The following ZFP90 variants were observed in gnomAD, a reference collection of about 807,000 sequenced individuals.
The protein encoded by ZFP90 is ZFP90 zinc finger protein, also known as zinc finger protein 90 homolog.
In ZFP90, 38 loss-of-function variants were observed where a neutral mutation model predicts 60.8. The observed-to-expected ratio is 0.62, with a 90% CI of 0.48 to 0.82. The LOEUF (loss-of-function observed/expected upper bound fraction) is 0.82, where lower values mean the gene tolerates loss of function less well. ZFP90 is among the 40% of genes least tolerant of loss of function. ZFP90 has a pLI of 0.00. For synonymous variants in ZFP90, 287 were observed against 264.8 expected, an observed-to-expected ratio of 1.08 and a Z score of -0.82; for missense variants, 711 against 759.1, an observed-to-expected ratio of 0.94 and a Z score of 0.74.
At chr16:68,542,145 T>C (rs2091061343) in intron 2 of ZFP90, among the ~76,000 whole-genome samples, 1 of 152,120 alleles carries the variant, frequency 6.6e-6, no homozygotes, top group Non-Finnish European at 1.5e-5. Context: ...GTAAAGTTAA[T>C]TTAGTGGGAG....
Position 68,563,802 on chromosome 16 carries a change from C to G in ZFP90, c.1015C>G (p.Arg339Gly). The change falls in exon 5 of 5, where the codon CGA (arginine) becomes GGA (glycine). Residue 339 changes from arginine (R) to glycine (G), a missense_variant. Physicochemically the swap from Arg to Gly is moderately radical, Grantham distance 125 (BLOSUM62 -2). Coordinates refer to ENST00000563169, the MANE Select transcript of ZFP90 (RefSeq NM_001305203.2). ...AATTCACACTGGAGAGAAACCCTATCGATGTAATCTATGTGGGAGGTCCTT... is the reference window on the plus strand; with the variant it reads ...AATTCACACTGGAGAGAAACCCTATGGATGTAATCTATGTGGGAGGTCCTT... Reference protein sequence around the residue: ...QRIHTGEKPYRCNLCGRSFRH... With the variant: ...QRIHTGEKPYGCNLCGRSFRH... The G allele has an allele frequency of 6.2e-7, 1 of 1,613,796 alleles. No homozygotes were observed. The highest frequency in any genetic ancestry group is 8.5e-7 in the Non-Finnish European group (1 of 1,179,900).
downstream of ZFP90, chr16:68,567,236 T>G (rs1005146693): frequency 8.4e-5 from 72 of 852,784 alleles, no homozygotes; most frequent in Non-Finnish European, 9.7e-5. Flanking sequence ...GCCAGGTGAG[T>G]TAATAGCTAC....
intron 2 of ZFP90, among the ~76,000 whole-genome samples, chr16:68,573,248 G>C (rs375701443): frequency 6.6e-6 from 1 of 152,230 alleles, no homozygotes; most frequent in African/African-American, 2.4e-5. Context: ...CAAGGATTGC[G>C]TGAGGCCCAA....
At chr16:68,552,732 C>G (rs1455899969) in intron 2 of ZFP90, among the ~76,000 whole-genome samples, 1 of 152,056 alleles carries the variant, frequency 6.6e-6, no homozygotes, top group Non-Finnish European at 1.5e-5. Flanking sequence ...ACTGAGGAAT[C>G]TAAGTTTTAA....
At chr16:68,568,462 T>G (rs1484773621), downstream of ZFP90, among the ~76,000 whole-genome samples, 1 of 152,212 alleles carries the variant, frequency 6.6e-6, no homozygotes, top group African/African-American at 2.4e-5. Flanking sequence ...TAACTTGGTA[T>G]AATTATTTTG....
At position 68,564,126 on chromosome 16, in the gene ZFP90, G is replaced by A. The variant is rs773502605; in HGVS notation, c.1339G>A (p.Val447Met). The change falls in exon 5 of 5, where the codon GTG becomes ATG. Residue 447 changes from valine to methionine, a missense_variant. By Grantham distance (21) the Val-to-Met change is conservative (BLOSUM62 1). Transcript: ENST00000563169. ...LTQDESTLTE[V>M]KSYHCNDCGE... Reference sequence around the variant, plus strand: ...TCAAGATGAAAGCACTCTTACCGAAGTGAAATCCTACCATTGTAATGACTG... The same window carrying A: ...TCAAGATGAAAGCACTCTTACCGAAATGAAATCCTACCATTGTAATGACTG... 2.9e-5 allele frequency: 47 copies of A among 1,614,146 alleles called. No individual in the cohort carries two copies. The East Asian group carries it at 9.8e-4, about 34-fold the overall frequency.
In ZFP90 at chr16:68,563,979, A is replaced by G. The variant is rs2091477044; in HGVS notation, c.1192A>G (p.Ile398Val). Residue 398 changes from isoleucine to valine, a missense_variant, in exon 5 of 5, where the codon ATA (isoleucine) becomes GTA (valine). By Grantham distance (29) the Ile-to-Val change is conservative (BLOSUM62 3). Coordinates refer to ENST00000563169, the MANE Select transcript of ZFP90 (RefSeq NM_001305203.2). ...HTGEKPFECS[I>V]CGRAFGQSPS... is the part of the protein sequence containing the mutation. ...TGGAGAGAAACCTTTTGAATGTAGC[A>G]TATGTGGGAGGGCTTTTGGTCAGAG... 1.9e-6 allele frequency: 3 copies of G among 1,613,650 alleles called. No individual in the cohort carries two copies. The highest frequency in any genetic ancestry group is 2.5e-6 in the Non-Finnish European group (3 of 1,179,930).
Position 68,564,024 on chromosome 16 carries a change from A to G in ZFP90, c.1237A>G (p.Met413Val), listed in dbSNP as rs2091477702. 13 of 1,613,900 alleles carry G rather than the reference A, an allele frequency of 8.1e-6. No individual in the cohort carries two copies. The highest frequency in any genetic ancestry group is 1.1e-5 in the Non-Finnish European group (13 of 1,179,992). ...FGQSPSLYKH[M>V]RIHKRGKPYQ... is the part of the protein sequence containing the mutation. ...TCAGAGCCCATCCCTTTATAAACAT[A>G]TGAGGATTCATAAGAGAGGCAAACC... Residue 413 changes from methionine to valine, a missense_variant, in exon 5 of 5, where the codon ATG becomes GTG. By Grantham distance (21) the Met-to-Val change is conservative. Around this residue, in one of 5 missense-constraint regions of ZFP90, gnomAD observed 295 missense variants for 274.0 expected, o/e 1.08. Transcript: ENST00000563169.
intron 2 of ZFP90, among the ~76,000 whole-genome samples, chr16:68,544,598 G>C (rs1417896886): frequency 8.5e-5 from 13 of 152,110 alleles, no homozygotes. Flanking sequence ...TAGATCATCA[G>C]GGTGAACAGA....
At chr16:68,552,888 C>T (rs7195656) in intron 2 of ZFP90, among the ~76,000 whole-genome samples, 87,925 of 151,784 alleles carry the variant, frequency 0.58, 25,980 homozygotes, top group East Asian at 0.82. Context: ...GAAACCCTAT[C>T]TCTACAAAAG....
At chr16:68,533,632 T>A (rs916318060) in intron 1 of ZFP90, 1 of 152,216 alleles carries the variant, frequency 6.6e-6, no homozygotes, top group African/African-American at 2.4e-5. Context: ...GATGAAGATA[T>A]AATTCTAGCT....
At position 68,566,152 on chromosome 16, in the gene ZFP90, A is replaced by G. The variant is rs1363776134; in HGVS notation, c.*1454A>G. 2.0e-6 allele frequency: 2 copies of G among 985,408 alleles called. No homozygotes were observed. The highest frequency in any genetic ancestry group is 2.4e-6 in the Non-Finnish European group (2 of 829,968). 61.0% of individuals were successfully genotyped at this position (985,408 alleles called of 1,614,324 possible). Reference sequence around the variant, plus strand: ...ACACACATCAATTTATTTTAGTTGTATAATGCTTTTCTATTAGTAAAGCAT... The same window carrying G: ...ACACACATCAATTTATTTTAGTTGTGTAATGCTTTTCTATTAGTAAAGCAT... On this transcript the variant is annotated 3_prime_UTR_variant, in exon 5 of 5. Coordinates refer to ENST00000563169, the MANE Select transcript of ZFP90 (RefSeq NM_001305203.2).
In ZFP90 at chr16:68,566,613, C is replaced by G; in HGVS notation, c.*1915C>G. The G allele has an allele frequency of 1.0e-6, 1 of 985,590 alleles. No individual in the cohort carries two copies. The allele number at this position is 985,590 out of a possible 1,614,324, so 61.1% of individuals were successfully genotyped here. ...ATGGCAGATCTGCCCTTCTGAGATG[C>G]TGACCATCCAAAACACCTTGTTTAT... On this transcript the variant is annotated 3_prime_UTR_variant, in exon 5 of 5. Transcript: ENST00000563169.
intron 2 of ZFP90, among the ~76,000 whole-genome samples, chr16:68,545,832 A>G (rs1438228964): frequency 2.0e-5 from 3 of 152,076 alleles, no homozygotes; most frequent in Non-Finnish European, 2.9e-5. Flanking sequence ...AACTGTTTCA[A>G]AAATAAGATT....
In ZFP90 at chr16:68,539,738, G is replaced by A. The variant is rs865974005; in HGVS notation, c.-35-20G>A. 3.4e-5 allele frequency: 52 copies of A among 1,533,034 alleles called. No individual in the cohort carries two copies. In the South Asian group the frequency reaches 6.2e-4, roughly 18 times the overall value. 95.0% of individuals were successfully genotyped at this position (1,533,034 alleles called of 1,614,324 possible). On this transcript the variant is annotated intron_variant, in intron 1 of 4. Coordinates refer to ENST00000563169, the MANE Select transcript of ZFP90 (RefSeq NM_001305203.2). ...GTCGGTGTTGCAGCGGGGTGAGTGG[G>A]CCCTGTCCTTTCTCCCCAGCTCCTG...
At chr16:68,550,486 G>A (rs1222303312) in intron 2 of ZFP90, among the ~76,000 whole-genome samples, 1 of 152,076 alleles carries the variant, frequency 6.6e-6, no homozygotes, top group Non-Finnish European at 1.5e-5. Flanking sequence ...CCTGACCTCA[G>A]GTGATCCACT....
downstream of ZFP90, among the ~76,000 whole-genome samples, chr16:68,571,454 C>G (rs898504627): frequency 6.6e-6 from 1 of 152,206 alleles, no homozygotes; most frequent in Non-Finnish European, 1.5e-5. Flanking sequence ...TGTTTAAACT[C>G]ATTTACAGTT....
intron 2 of ZFP90, among the ~76,000 whole-genome samples, chr16:68,551,024 G>A (rs1051940085): frequency 6.6e-6 from 1 of 152,254 alleles, no homozygotes. Context: ...GTCAACTATC[G>A]GCTTGTTAAA....
At chr16:68,537,349 C>G (rs2090968621), upstream of ZFP90, among the ~76,000 whole-genome samples, 1 of 152,070 alleles carries the variant, frequency 6.6e-6, no homozygotes, top group Non-Finnish European at 1.5e-5. Context: ...TGGTCTCGAA[C>G]TCCTGACCTC....
Sources: gnomAD v4.1 joint callset for allele counts (sites outside exome capture counted in the v4.1 genomes callset) on GRCh38, gnomAD v4.1.1 for gene constraint, gnomAD v4.1.1 regional missense constraint, MANE v1.5 for transcripts, NCBI Gene and HGNC (gene_info 2026-07-23, HGNC 2026-07-21) for gene names.